The following PRTG variants were observed in gnomAD, a reference collection of about 807,000 sequenced individuals.
PRTG encodes immunoglobulin superfamily, DCC subclass, member 5.
PRTG carries 67 observed loss-of-function variants against 122.5 expected under a neutral mutation model. That is an observed-to-expected ratio of 0.55 (90% CI 0.45 to 0.67). PRTG has a LOEUF of 0.67. PRTG is among the 30% of genes least tolerant of loss of function. The probability of loss-of-function intolerance (pLI) is 0.00; values close to 1 mark genes in which losing one functional copy is unlikely to be tolerated. For synonymous variants in PRTG, 554 were observed against 501.1 expected (o/e 1.11, Z -1.41); for missense variants, 1,435 against 1,415.4 (o/e 1.01, Z -0.22).
chr15:55,706,117 C>G (rs1452719219), intron 2 of PRTG, among the ~76,000 whole-genome samples: 1 of 149,002 alleles, frequency 6.7e-6, no homozygotes, highest in African/African-American at 2.5e-5. Context: ...ACTTTGGCCT[C>G]CCAAAGTGTT....
intron 2 of PRTG, among the ~76,000 whole-genome samples, chr15:55,718,628 CAA>C (rs35793848): frequency 2.1e-5 from 3 of 145,026 alleles, no homozygotes; most frequent in Admixed American, 1.4e-4. Context: ...AAAAAACAAA[CAA>C]AAAAAAAAAC....
intron 15 of PRTG, among the ~76,000 whole-genome samples, chr15:55,634,405 C>A (rs2059245021): frequency 6.6e-6 from 1 of 152,074 alleles, no homozygotes; most frequent in African/African-American, 2.4e-5. Context: ...AAATGAAGAA[C>A]TAAAAGAAGT....
In PRTG at chr15:55,728,873, G is replaced by C. The variant is rs1336660334; in HGVS notation, c.397+11509C>G. 2.0e-5 allele frequency among the ~76,000 whole-genome samples: 3 copies of C among 152,164 alleles called. No individual in the cohort carries two copies. In the East Asian group the frequency reaches 5.8e-4, roughly 29 times the overall value. Reference sequence around the variant, plus strand: ...CAAGGAATCCACATGAAAGCTACTAGAGCTAATAAATGAATTCAGAAGAGT... The same window carrying C: ...CAAGGAATCCACATGAAAGCTACTACAGCTAATAAATGAATTCAGAAGAGT... On this transcript the variant is annotated intron_variant, in intron 2 of 19. Coordinates refer to ENST00000389286, the MANE Select transcript of PRTG (RefSeq NM_173814.6).
intron 2 of PRTG, among the ~76,000 whole-genome samples, chr15:55,729,647 A>T (rs1300754766): frequency 1.3e-5 from 2 of 152,012 alleles, no homozygotes; most frequent in Non-Finnish European, 2.9e-5. Flanking sequence ...AAAAGGGTGA[A>T]CTTTATATCT....
At chr15:55,652,231 C>T (rs970388813) in intron 11 of PRTG, among the ~76,000 whole-genome samples, 1 of 151,926 alleles carries the variant, frequency 6.6e-6, no homozygotes, top group Non-Finnish European at 1.5e-5. Context: ...AGGTAGCAAT[C>T]AGAAAATATG....
chr15:55,716,684 T>C (rs1290103981), intron 2 of PRTG, among the ~76,000 whole-genome samples: 1 of 152,170 alleles, frequency 6.6e-6, no homozygotes, highest in African/African-American at 2.4e-5. Context: ...TATCAAAACA[T>C]ACATTTTAAA....
chr15:55,682,496 T>C lies in PRTG; in HGVS notation c.544A>G (p.Ile182Val), dbSNP rs2141816603. Residue 182 changes from isoleucine to valine, a missense_variant and splice_region_variant, in exon 4 of 20, where the codon ATA becomes GTA. Transcript: ENST00000389286. ...RTTLPMTMDR[I>V]TALPTGVLQI... ...AATACTCCTGTTGGTAGGGCAGTTA[T>C]CCTGTTATGAGAGAAAGATAATTAA... 6.7e-7 allele frequency: 1 copy of C among 1,501,418 alleles called. No individual in the cohort carries two copies. Among genetic ancestry groups the C allele is most frequent in the African/African-American group, 1.4e-5 (1 of 71,396 alleles). The allele number at this position is 1,501,418 out of a possible 1,614,324, so 93.0% of individuals were successfully genotyped here.
intron 2 of PRTG, among the ~76,000 whole-genome samples, chr15:55,698,924 G>A (rs2059646938): frequency 6.6e-6 from 1 of 152,042 alleles, no homozygotes; most frequent in Admixed American, 6.6e-5. Context: ...ACTTAGTTCT[G>A]CTCTTCCCCT....
chr15:55,613,923 A>G lies in PRTG; in HGVS notation c.*6089T>C, dbSNP rs1355150251. 6.6e-6 allele frequency: 1 copy of G among 152,114 alleles called. No individual in the cohort carries two copies. Among genetic ancestry groups the G allele is most frequent in the Admixed American group, 6.6e-5 (1 of 15,258 alleles). 9.4% of individuals were successfully genotyped at this position (152,114 alleles called of 1,614,324 possible). ...TGTTCCTAATCCCTAAAATGCGGAT[A>G]ATACTTGCTTTACAGAATGTAGCAG... On this transcript the variant is annotated 3_prime_UTR_variant, in exon 20 of 20. Coordinates refer to ENST00000389286, the MANE Select transcript of PRTG (RefSeq NM_173814.6).
At chr15:55,706,115 CT>C (rs1234650891) in intron 2 of PRTG, among the ~76,000 whole-genome samples, 1 of 149,448 alleles carries the variant, frequency 6.7e-6, no homozygotes, top group Non-Finnish European at 1.5e-5. Flanking sequence ...CCACTTTGGC[CT>C]CCCAAAGTGT....
intron 18 of PRTG, 109 bp downstream of exon 18, chr15:55,624,233 A>C: frequency 2.4e-6 from 2 of 844,376 alleles, no homozygotes; most frequent in South Asian, 4.6e-5. Context: ...CATTAATAAG[A>C]GTATTGGTAT....
intron 11 of PRTG, among the ~76,000 whole-genome samples, chr15:55,666,036 C>G (rs2059437643): frequency 6.6e-6 from 1 of 152,210 alleles, no homozygotes; most frequent in Non-Finnish European, 1.5e-5. Flanking sequence ...GTGAAAGAGA[C>G]TATATGGCCC....
chr15:55,627,331 T>TC (rs1258481704), intron 16 of PRTG, among the ~76,000 whole-genome samples: 2 of 150,034 alleles, frequency 1.3e-5, no homozygotes, highest in African/African-American at 4.9e-5. Context: ...TTAAAGTTTT[T>TC]TTTTTTTTTT....
At position 55,711,802 on chromosome 15, in the gene PRTG, C is replaced by T. The variant is rs142664777; in HGVS notation, c.398-27871G>A. ...ACAAGCTTGTAGACAATAATATATA[C>T]TTACAGTTTTAGGCCACCCTGTTTA... On this transcript the variant is annotated intron_variant, in intron 2 of 19. Transcript: ENST00000389286. Among the ~76,000 whole-genome samples the T allele has an allele frequency of 1.8e-3, 267 of 152,278 alleles. 2 individuals carry two copies. The highest frequency in any genetic ancestry group is 0.015 in the Admixed American group (229 of 15,286).
chr15:55,702,902 A>T, intron 2 of PRTG: 1 of 985,312 alleles, frequency 1.0e-6, no homozygotes, highest in Non-Finnish European at 1.2e-6. Context: ...GACCTTTTAC[A>T]GGCTGCTGAT....
intron 11 of PRTG, among the ~76,000 whole-genome samples, chr15:55,665,926 C>T (rs561997653): frequency 6.6e-6 from 1 of 152,192 alleles, no homozygotes; most frequent in Non-Finnish European, 1.5e-5. Context: ...ATTCATACTT[C>T]AGTGTCCACA....
At chr15:55,741,880 T>C (rs1325140187) in intron 1 of PRTG, among the ~76,000 whole-genome samples, 1 of 152,190 alleles carries the variant, frequency 6.6e-6, no homozygotes, top group Non-Finnish European at 1.5e-5. Flanking sequence ...CTTTGATCCT[T>C]TTTTCAAGCC....
At chr15:55,661,449 C>T (rs1403004769) in intron 11 of PRTG, among the ~76,000 whole-genome samples, 1 of 152,198 alleles carries the variant, frequency 6.6e-6, no homozygotes, top group African/African-American at 2.4e-5. Flanking sequence ...AGGGGCCTTA[C>T]TTTATTTAGG....
chr15:55,671,747 C>T (rs111790773), intron 11 of PRTG, among the ~76,000 whole-genome samples: 7,050 of 152,186 alleles, frequency 0.046, 400 homozygotes, highest in African/African-American at 0.13. Flanking sequence ...GAGATCCACC[C>T]GCGTTGGCCT....
Sources: allele counts gnomAD v4.1 joint callset (sites outside exome capture counted in the v4.1 genomes callset), GRCh38; gene constraint gnomAD v4.1.1; transcripts MANE v1.5; gene names NCBI Gene and HGNC (gene_info 2026-07-23, HGNC 2026-07-21).